ELF2: variants seen among roughly 807,000 people sequenced by gnomAD.
The protein encoded by ELF2 is E74 like ETS transcription factor 2, also known as ETS-related transcription factor Elf-2.
In ELF2, 11 loss-of-function variants were observed where a neutral mutation model predicts 54.8. That is an observed-to-expected ratio of 0.20 (90% confidence interval 0.13 to 0.33). The LOEUF (loss-of-function observed/expected upper bound fraction) is 0.33. Among genes scored for constraint, ELF2 ranks in the 10% least tolerant of loss-of-function variants. The pLI is 1.00. For synonymous variants in ELF2, 203 were observed against 245.1 expected (o/e 0.83, Z 1.61); for missense variants, 513 against 703.0 (o/e 0.73, Z 3.06).
chr4:139,115,373 A>T, intron 4 of ELF2: 11 of 1,073,050 alleles, frequency 1.0e-5, no homozygotes, highest in Non-Finnish European at 1.2e-5. Context: ...GCTGTCCGCC[A>T]TGGCGGCCGC....
chr4:139,131,378 G>A (rs1285301643), intron 3 of ELF2, among the ~76,000 whole-genome samples: 7 of 152,184 alleles, frequency 4.6e-5, no homozygotes, highest in Admixed American at 3.9e-4. Context: ...GGCAAGACAA[G>A]TGCAATGCTG....
chr4:139,123,788 T>A (rs556646099), intron 4 of ELF2, among the ~76,000 whole-genome samples: 87 of 152,364 alleles, frequency 5.7e-4, no homozygotes, highest in African/African-American at 1.9e-3. Flanking sequence ...CTTCTGCTAT[T>A]AGTGTTCTGT....
chr4:139,102,539 C>CA (rs1313785157), intron 4 of ELF2, among the ~76,000 whole-genome samples: 146 of 140,590 alleles, frequency 1.0e-3, no homozygotes, highest in African/African-American at 2.4e-3. Flanking sequence ...GACTCCGTCT[C>CA]AAAAAAAAAA....
intron 4 of ELF2, among the ~76,000 whole-genome samples, chr4:139,083,619 TG>T (rs963293280): frequency 2.8e-4 from 42 of 152,090 alleles, no homozygotes; most frequent in African/African-American, 9.9e-4. Flanking sequence ...GCGGAAGTCA[TG>T]GAATTGTGGA....
At chr4:139,169,412 A>T (rs1337329588) in intron 1 of ELF2, among the ~76,000 whole-genome samples, 1 of 151,944 alleles carries the variant, frequency 6.6e-6, no homozygotes, top group Non-Finnish European at 1.5e-5. Flanking sequence ...CACAAAGGCA[A>T]CTGCAACCTT....
intron 4 of ELF2, among the ~76,000 whole-genome samples, chr4:139,109,906 G>A (rs114216011): frequency 0.011 from 1,715 of 152,236 alleles, 13 homozygotes; most frequent in Non-Finnish European, 0.016. Flanking sequence ...CTGGGTGATG[G>A]GATCAATAGA....
chr4:139,068,162 A>T (rs1728990442), intron 6 of ELF2, among the ~76,000 whole-genome samples: 1 of 152,016 alleles, frequency 6.6e-6, no homozygotes, highest in African/African-American at 2.4e-5. Context: ...TTGGGACTAC[A>T]GGCGCCTGCT....
chr4:139,131,157 G>A (rs1270194744), intron 3 of ELF2, among the ~76,000 whole-genome samples: 2 of 152,176 alleles, frequency 1.3e-5, no homozygotes, highest in Non-Finnish European at 2.9e-5. Flanking sequence ...AGGATACCCA[G>A]TTAAATTTGA....
chr4:139,130,588 T>C (rs572782857), intron 3 of ELF2, among the ~76,000 whole-genome samples: 10 of 152,234 alleles, frequency 6.6e-5, no homozygotes, highest in Admixed American at 2.6e-4. Context: ...TACGTATTTA[T>C]AGAACAAGTT....
At chr4:139,090,865 C>T (rs1732492998) in intron 4 of ELF2, among the ~76,000 whole-genome samples, 1 of 152,094 alleles carries the variant, frequency 6.6e-6, no homozygotes, top group Admixed American at 6.6e-5. Context: ...CTGGGAAAAA[C>T]ATCCAGTTTT....
intron 1 of ELF2, among the ~76,000 whole-genome samples, chr4:139,140,669 G>A (rs867098126): frequency 2.0e-5 from 3 of 151,508 alleles, no homozygotes; most frequent in South Asian, 2.1e-4. Context: ...TGGGAGGACC[G>A]CTTGAGCCCA....
At chr4:139,148,655 C>CTT (rs796233512) in intron 1 of ELF2, among the ~76,000 whole-genome samples, 1 of 145,594 alleles carries the variant, frequency 6.9e-6, no homozygotes, top group Non-Finnish European at 1.5e-5. Flanking sequence ...GATGTTTCTA[C>CTT]TTTTTTTTTT....
At chr4:139,105,138 T>G (rs919398641) in intron 4 of ELF2, among the ~76,000 whole-genome samples, 2 of 152,252 alleles carry the variant, frequency 1.3e-5, no homozygotes, top group Non-Finnish European at 2.9e-5. Flanking sequence ...GGAAAAAAAC[T>G]ATCCACTGCT....
intron 5 of ELF2, 102 bp from the exon 6 acceptor site, chr4:139,072,141 C>G: frequency 4.2e-6 from 5 of 1,178,620 alleles, no homozygotes; most frequent in Non-Finnish European, 6.0e-6. Context: ...AAGAATTAAT[C>G]AAAGCAGGAT....
chr4:139,145,913 C>T (rs905524344), intron 1 of ELF2, among the ~76,000 whole-genome samples: 15 of 152,002 alleles, frequency 9.9e-5, no homozygotes, highest in Non-Finnish European at 1.5e-5. Context: ...TCATATACGA[C>T]AAAGCATACT....
At chr4:139,066,059 G>C (rs1293029128) in intron 7 of ELF2, 1 of 108,288 alleles carries the variant, frequency 9.2e-6, no homozygotes, top group African/African-American at 3.6e-5. Flanking sequence ...CAAATTTCTT[G>C]GTAGGCTTAC....
chr4:139,169,809 A>G, intron 1 of ELF2, among the ~76,000 whole-genome samples: 1 of 149,156 alleles, frequency 6.7e-6, no homozygotes, highest in Non-Finnish European at 1.5e-5. Flanking sequence ...ATAAACTGAG[A>G]TCTCGCCACT....
chr4:139,108,820 C>T (rs1010158570), intron 4 of ELF2, among the ~76,000 whole-genome samples: 1 of 152,046 alleles, frequency 6.6e-6, no homozygotes, highest in African/African-American at 2.4e-5. Context: ...TAAGGAAGGT[C>T]ACAGAAGACT....
At chr4:139,175,600 T>A (rs1742823056) in intron 1 of ELF2, among the ~76,000 whole-genome samples, 1 of 152,234 alleles carries the variant, frequency 6.6e-6, no homozygotes, top group South Asian at 2.1e-4. Flanking sequence ...CAATCCTTTC[T>A]TAGTAAAGCA....
Sources: allele counts gnomAD v4.1 joint callset (sites outside exome capture counted in the v4.1 genomes callset), GRCh38; gene constraint gnomAD v4.1.1; transcripts MANE v1.5; gene names NCBI Gene and HGNC (gene_info 2026-07-23, HGNC 2026-07-21).